RHBDD1: variants seen among roughly 807,000 people sequenced by gnomAD.
The protein encoded by RHBDD1 is rhomboid domain containing 1, also known as rhomboid-related protein 4.
In RHBDD1, 38 loss-of-function variants were observed where a neutral mutation model predicts 36.3. The ratio of observed to expected loss-of-function variants is 1.05; its 90% CI spans 0.81 to 1.37. The LOEUF (loss-of-function observed/expected upper bound fraction) is 1.37, where lower values mean the gene tolerates loss of function less well. Among genes scored for constraint, RHBDD1 ranks in the 40% most tolerant of loss-of-function variants. The pLI, the probability that RHBDD1 is intolerant of heterozygous loss-of-function variation, is 0.00. For missense variants in RHBDD1, 393 were observed against 377.6 expected (o/e 1.04, Z -0.34); for synonymous variants, 151 against 136.5 (o/e 1.11, Z -0.74).
chr2:226,952,679 G>A (rs1021719829), intron 8 of RHBDD1, among the ~76,000 whole-genome samples: 17 of 152,108 alleles, frequency 1.1e-4, no homozygotes, highest in Admixed American at 4.6e-4. Flanking sequence ...AAAATATATA[G>A]AAAACCTATA....
At chr2:226,875,975 T>TC (rs1327353264) in intron 5 of RHBDD1, among the ~76,000 whole-genome samples, 1 of 152,234 alleles carries the variant, frequency 6.6e-6, no homozygotes, top group African/African-American at 2.4e-5. Flanking sequence ...CCAATTAGTT[T>TC]CCTAAGTTTA....
At chr2:226,948,352 GT>G (rs1164359119) in intron 8 of RHBDD1, among the ~76,000 whole-genome samples, 3 of 146,262 alleles carry the variant, frequency 2.1e-5, no homozygotes, top group African/African-American at 7.6e-5. Context: ...TCACTCATAG[GT>G]GGGAATTGAA....
At chr2:226,816,440 G>T in the RHBDD1 span, among the ~76,000 whole-genome samples, 1 of 151,126 alleles carries the variant, frequency 6.6e-6, no homozygotes, top group East Asian at 1.9e-4. Context: ...TTATTTTCTG[G>T]AGAAGGTTAC....
intron 8 of RHBDD1, among the ~76,000 whole-genome samples, chr2:226,982,245 A>T (rs759540571): frequency 8.5e-5 from 13 of 152,190 alleles, no homozygotes; most frequent in Non-Finnish European, 1.3e-4. Context: ...TTTTTCTCAG[A>T]GCAGTTTGTC....
intron 2 of RHBDD1, 80 bp from the exon 3 acceptor site, chr2:226,839,329 C>T (rs1173887068): frequency 6.6e-6 from 1 of 151,906 alleles, no homozygotes; most frequent in Non-Finnish European, 1.5e-5. Context: ...AAAACGGAAG[C>T]GATTCTTTAA....
the RHBDD1 span, among the ~76,000 whole-genome samples, chr2:226,829,169 T>A: frequency 4.3e-4 from 65 of 152,214 alleles, no homozygotes; most frequent in Non-Finnish European, 7.8e-4. Flanking sequence ...GCCTTAGCAA[T>A]TTTGTTGAAA....
chr2:226,941,732 A>G (rs1437519639), intron 8 of RHBDD1, among the ~76,000 whole-genome samples: 1 of 152,192 alleles, frequency 6.6e-6, no homozygotes, highest in Non-Finnish European at 1.5e-5. Flanking sequence ...AAAGTAATCT[A>G]TAATTTCACC....
intron 8 of RHBDD1, among the ~76,000 whole-genome samples, chr2:226,948,606 A>T (rs555284169): frequency 5.3e-5 from 8 of 151,156 alleles, no homozygotes; most frequent in African/African-American, 9.7e-5. Context: ...AAAAATAAAA[A>T]AAAATAAAAT....
chr2:226,936,953 TA>T (rs946952948), intron 8 of RHBDD1, among the ~76,000 whole-genome samples: 44 of 152,262 alleles, frequency 2.9e-4, no homozygotes, highest in African/African-American at 9.1e-4. Context: ...GTCATTGCTT[TA>T]CTTATCAATA....
At chr2:226,856,268 A>G (rs546386675) in intron 3 of RHBDD1, among the ~76,000 whole-genome samples, 3 of 152,228 alleles carry the variant, frequency 2.0e-5, no homozygotes, top group Non-Finnish European at 4.4e-5. Flanking sequence ...AAATGTATTC[A>G]TGTATTTGAA....
chr2:226,819,977 GTTTTTTTT>G, the RHBDD1 span, among the ~76,000 whole-genome samples: 1 of 118,282 alleles, frequency 8.5e-6, no homozygotes, highest in Non-Finnish European at 1.8e-5. Context: ...TATTGTGTGT[GTTTTTTTT>G]TTTTTTTTTT....
At chr2:226,947,345 T>G (rs995236880) in intron 8 of RHBDD1, among the ~76,000 whole-genome samples, 2 of 151,950 alleles carry the variant, frequency 1.3e-5, no homozygotes, top group Non-Finnish European at 2.9e-5. Flanking sequence ...CCCAGCACCA[T>G]TTATTAAATA....
intron 8 of RHBDD1, among the ~76,000 whole-genome samples, chr2:226,948,586 CG>C (rs1951187831): frequency 7.0e-5 from 6 of 85,746 alleles, no homozygotes; most frequent in African/African-American, 2.4e-4. Context: ...AAAAAAAAAA[CG>C]AAAAAAATAA....
chr2:226,822,924 G>A, the RHBDD1 span, among the ~76,000 whole-genome samples: 2 of 152,056 alleles, frequency 1.3e-5, no homozygotes, highest in Non-Finnish European at 2.9e-5. Context: ...TCAGGAGTTT[G>A]AGATCAGCCT....
chr2:226,870,775 GATC>G (rs1250028048), intron 5 of RHBDD1, among the ~76,000 whole-genome samples: 4 of 152,142 alleles, frequency 2.6e-5, no homozygotes, highest in Non-Finnish European at 4.4e-5. Flanking sequence ...ATGTTATTAA[GATC>G]ATCATAAAGA....
At chr2:226,832,189 A>G (rs763771554), upstream of RHBDD1, among the ~76,000 whole-genome samples, 4 of 152,074 alleles carry the variant, frequency 2.6e-5, no homozygotes, top group Non-Finnish European at 5.9e-5. Context: ...TGACTTCAAT[A>G]TGTTTTCACT....
At chr2:226,860,594 T>C (rs1943765229) in intron 3 of RHBDD1, among the ~76,000 whole-genome samples, 1 of 152,198 alleles carries the variant, frequency 6.6e-6, no homozygotes, top group Non-Finnish European at 1.5e-5. Context: ...AGTTGGATTT[T>C]CTAAGTTGTC....
At chr2:226,849,512 G>C (rs1297276610) in intron 3 of RHBDD1, among the ~76,000 whole-genome samples, 1 of 152,200 alleles carries the variant, frequency 6.6e-6, no homozygotes, top group East Asian at 1.9e-4. Flanking sequence ...TGGTAGCATT[G>C]CCCTCAGGCT....
At chr2:226,827,257 G>A in the RHBDD1 span, among the ~76,000 whole-genome samples, 1 of 152,200 alleles carries the variant, frequency 6.6e-6, no homozygotes, top group Non-Finnish European at 1.5e-5. Context: ...GAGCCACTGT[G>A]CTCAGCCTAA....
Sources: gnomAD v4.1 joint callset for allele counts (sites outside exome capture counted in the v4.1 genomes callset) on GRCh38, gnomAD v4.1.1 for gene constraint, MANE v1.5 for transcripts, NCBI Gene and HGNC (gene_info 2026-07-23, HGNC 2026-07-21) for gene names.